The following ZNF536 variants were observed in gnomAD, a reference collection of about 807,000 sequenced individuals.
ZNF536 encodes the protein zinc finger protein 536.
A neutral mutation model predicts 84.5 loss-of-function variants in ZNF536; 13 were observed. The observed-to-expected ratio is 0.15, with a 90% CI of 0.10 to 0.24. ZNF536 has a LOEUF of 0.24. Ranked by LOEUF, ZNF536 falls within the 10% of genes least tolerant of loss-of-function variation. The pLI, the probability that ZNF536 is intolerant of heterozygous loss-of-function variation, is 1.00. For missense variants in ZNF536, 1,536 were observed against 1,747.5 expected (o/e 0.88, Z 2.16); for synonymous variants, 811 against 742.5 (o/e 1.09, Z -1.50).
intron 1 of ZNF536, among the ~76,000 whole-genome samples, chr19:30,424,137 T>C (rs2051109503): frequency 6.6e-6 from 1 of 152,172 alleles, no homozygotes; most frequent in Non-Finnish European, 1.5e-5. Flanking sequence ...ATGTAGCTCA[T>C]TTTCTTTCTC....
rs569100099 is a variant in ZNF536, at chr19:30,476,429, G to A, written c.2170+30697G>A. Among the ~76,000 whole-genome samples the A allele has an allele frequency of 9.9e-5, 15 of 152,178 alleles. No individual in the cohort carries two copies. In the East Asian group the frequency reaches 1.2e-3, roughly 12 times the overall value. Reference sequence around the variant, plus strand: ...GTAATTTAATTTGTCTGTTAATGGCGCACATGGATTTACTAAGAGGGAAAT... The same window carrying A: ...GTAATTTAATTTGTCTGTTAATGGCACACATGGATTTACTAAGAGGGAAAT... On this transcript the variant is annotated intron_variant, in intron 2 of 4. Coordinates refer to ENST00000355537, the MANE Select transcript of ZNF536 (RefSeq NM_014717.3).
At chr19:30,265,229 A>G (rs79679641) in intron 1 of ZNF536, among the ~76,000 whole-genome samples, 1 of 151,984 alleles carries the variant, frequency 6.6e-6, no homozygotes, top group Non-Finnish European at 1.5e-5. Flanking sequence ...GTCTAGCCCA[A>G]ACATTTCCCA....
chr19:30,651,731 G>T (rs896908099), intron 1 of ZNF536, among the ~76,000 whole-genome samples: 6 of 152,146 alleles, frequency 3.9e-5, no homozygotes, highest in African/African-American at 1.4e-4. Context: ...GTATGAGCCT[G>T]CTAAGTACAG....
At chr19:30,580,676 G>A (rs576725617) in intron 1 of ZNF536, among the ~76,000 whole-genome samples, 1 of 152,306 alleles carries the variant, frequency 6.6e-6, no homozygotes, top group South Asian at 2.1e-4. Flanking sequence ...CTGGGTTCAG[G>A]CTCCTATGAT....
chr19:30,586,305 G>A (rs1277755209), intron 1 of ZNF536, among the ~76,000 whole-genome samples: 1 of 152,254 alleles, frequency 6.6e-6, no homozygotes, highest in African/African-American at 2.4e-5. Flanking sequence ...AAAAAGGGGA[G>A]TGGAAATCCC....
At chr19:30,250,174 A>T (rs998791728) in intron 1 of ZNF536, among the ~76,000 whole-genome samples, 1 of 152,204 alleles carries the variant, frequency 6.6e-6, no homozygotes. Flanking sequence ...TTAATTCACG[A>T]TTCTGTCTAT....
chr19:30,309,595 T>C (rs1031495308), intron 2 of ZNF536, among the ~76,000 whole-genome samples: 1 of 152,224 alleles, frequency 6.6e-6, no homozygotes, highest in African/African-American at 2.4e-5. Context: ...ATTTGATTAA[T>C]TGATATTCTT....
rs1440030977 is a variant in ZNF536 at position 30,380,476 on chromosome 19, C to T, written c.-3+7920C>T. Among the ~76,000 whole-genome samples, 19 of 152,168 alleles carry T rather than the reference C, an allele frequency of 1.2e-4. No individual in the cohort carries two copies. In the South Asian group the frequency reaches 2.9e-3, roughly 23 times the overall value. On this transcript the variant is annotated intron_variant, in intron 1 of 4. Coordinates refer to ENST00000355537, the MANE Select transcript of ZNF536 (RefSeq NM_014717.3). ...TCGGCCCTGAGACACTGTGAGGCCACGTGAATCTGAGTTATCAGTGGCCAA... is the reference window on the plus strand; with the variant it reads ...TCGGCCCTGAGACACTGTGAGGCCATGTGAATCTGAGTTATCAGTGGCCAA...
chr19:30,310,409 C>G (rs2046462971), intron 2 of ZNF536, among the ~76,000 whole-genome samples: 1 of 152,232 alleles, frequency 6.6e-6, no homozygotes, highest in Non-Finnish European at 1.5e-5. Flanking sequence ...TTCCCACCTT[C>G]TTTGTGCCGA....
chr19:30,606,999 C>T (rs1047914078), intron 1 of ZNF536, among the ~76,000 whole-genome samples: 1 of 152,136 alleles, frequency 6.6e-6, no homozygotes, highest in Non-Finnish European at 1.5e-5. Context: ...TGAAGGCTGG[C>T]TCTCACGACC....
chr19:30,284,567 C>T (rs1420257911), intron 2 of ZNF536, among the ~76,000 whole-genome samples: 3 of 152,236 alleles, frequency 2.0e-5, no homozygotes. Context: ...CAAATCCTGT[C>T]CCAAAGCTGC....
chr19:30,449,606 G>A (rs2148291630), intron 2 of ZNF536, among the ~76,000 whole-genome samples: 1 of 152,318 alleles, frequency 6.6e-6, no homozygotes, highest in South Asian at 2.1e-4. Context: ...AGTGTTGATG[G>A]TGGGAAGGGG....
intron 2 of ZNF536, among the ~76,000 whole-genome samples, chr19:30,500,837 C>T (rs1011227464): frequency 3.9e-5 from 6 of 152,232 alleles, no homozygotes; most frequent in Non-Finnish European, 7.3e-5. Flanking sequence ...GCAAGGGCCA[C>T]GAGTTCTTAT....
rs755613678 is a variant in ZNF536 at position 30,445,009 on chromosome 19, G to T, written c.1447G>T (p.Gly483Trp). 6.2e-7 allele frequency: 1 copy of T among 1,611,656 alleles called. No individual in the cohort carries two copies. The highest frequency in any genetic ancestry group is 8.5e-7 in the Non-Finnish European group (1 of 1,178,798). ...CAGCATGGCCCACGGCGTCCCGGAG[G>T]GGGACAAGCACTCCCTCCTGGGATG... ...ISSMAHGVPE[G>W]DKHSLLGCLN... The change falls in exon 2 of 5, where the codon GGG (glycine) becomes TGG (tryptophan). Residue 483 changes from glycine to tryptophan, a missense_variant. This residue lies in a region of ZNF536 where 366 missense variants were observed against 364.4 expected (regional missense o/e 1.00). Coordinates refer to ENST00000355537, the MANE Select transcript of ZNF536 (RefSeq NM_014717.3). This position sits in a 1 kb window ranked among gnomAD's most constrained non-coding sequence, Gnocchi z 4.5.
At chr19:30,615,022 CT>C (rs1241033298) in intron 1 of ZNF536, among the ~76,000 whole-genome samples, 1 of 124,218 alleles carries the variant, frequency 8.1e-6, no homozygotes, top group Non-Finnish European at 1.6e-5. Context: ...TCTCGACTCA[CT>C]GCAAGCTCCG....
chr19:30,238,953 A>G (rs1224713805), intron 1 of ZNF536, among the ~76,000 whole-genome samples: 1 of 152,236 alleles, frequency 6.6e-6, no homozygotes, highest in Admixed American at 6.5e-5. Flanking sequence ...TATAAAATTA[A>G]TGAGTTGAAC....
At chr19:30,534,576 A>G (rs1187183888) in intron 2 of ZNF536, among the ~76,000 whole-genome samples, 2 of 152,270 alleles carry the variant, frequency 1.3e-5, no homozygotes, top group African/African-American at 4.8e-5. Context: ...GAAGAAATCA[A>G]ACCAGCTGCT....
At chr19:30,410,352 A>G (rs2867075) in intron 1 of ZNF536, among the ~76,000 whole-genome samples, 52,796 of 151,752 alleles carry the variant, frequency 0.35, 9,521 homozygotes, top group East Asian at 0.51. Flanking sequence ...ACATTTTCCA[A>G]CTGATATATA....
rs1197212849 is a variant in ZNF536, at chr19:30,345,744, G to A, written c.-119-6624G>A. Among the ~76,000 whole-genome samples the A allele has an allele frequency of 5.9e-5, 9 of 152,266 alleles. No homozygotes were observed. In the East Asian group the frequency reaches 1.5e-3, roughly 26 times the overall value. ...ACATGCATCTAAGGGAGCCATGCTC[G>A]ACCCACCAGCGGGAGCCACAGATCC... On this transcript the variant is annotated intron_variant, in intron 2 of 5. Coordinates refer to the ZNF536 transcript ENST00000585628.
Sources: allele counts gnomAD v4.1 joint callset (sites outside exome capture counted in the v4.1 genomes callset), GRCh38; gene constraint gnomAD v4.1.1; regional missense constraint gnomAD v4.1.1; non-coding constraint Gnocchi (gnomAD v3.1); transcripts MANE v1.5; gene names NCBI Gene and HGNC (gene_info 2026-07-23, HGNC 2026-07-21).